Variants in FOXL1 observed in about 807,000 individuals in gnomAD.
The protein encoded by FOXL1 is forkhead box protein L1.
A neutral mutation model predicts 1.7 loss-of-function variants in FOXL1; 2 were observed. That is an observed-to-expected ratio of 1.21 (90% confidence interval 0.49 to 3.80). The LOEUF (loss-of-function observed/expected upper bound fraction) is 3.80. FOXL1 is among the 30% of genes most tolerant of loss of function. FOXL1 has a pLI of 0.07. For missense variants in FOXL1, 565 were observed against 495.8 expected (o/e 1.14, Z -1.32); for synonymous variants, 280 against 229.3 (o/e 1.22, Z -2.00).
At position 86,580,087 on chromosome 16, in the gene FOXL1, C is replaced by G. The variant is rs553504716; in HGVS notation, c.*326C>G. ...CTAATGGAGTGTGGTCTTCAGCCGCCCACCGCAGGTCCTGCGAGTCCCGGG... is the reference window on the plus strand; with the variant it reads ...CTAATGGAGTGTGGTCTTCAGCCGCGCACCGCAGGTCCTGCGAGTCCCGGG... On this transcript the variant is annotated 3_prime_UTR_variant, in exon 1 of 1. Coordinates refer to ENST00000320241, the MANE Select transcript of FOXL1 (RefSeq NM_005250.3). 2 of 312,864 alleles carry G rather than the reference C, an allele frequency of 6.4e-6. No individual in the cohort carries two copies. The highest frequency in any genetic ancestry group is 6.3e-6 in the Non-Finnish European group (1 of 158,566). 19.4% of individuals were successfully genotyped at this position (312,864 alleles called of 1,614,324 possible). A position where few individuals can be genotyped will look rare whatever the true frequency, so the allele number is the denominator to read the frequency against.
At position 86,579,247 on chromosome 16, in the gene FOXL1, G is replaced by C. The variant is rs1045302700; in HGVS notation, c.524G>C (p.Gly175Ala). The change falls in exon 1 of 1, where the codon GGG becomes GCG. Residue 175 changes from glycine to alanine, a missense_variant. By Grantham distance (60) the Gly-to-Ala change is moderately conservative. Coordinates refer to ENST00000320241, the MANE Select transcript of FOXL1 (RefSeq NM_005250.3). ...SAEAQPEAGSGAGGSGPAISR... is the reference protein window; with the variant it reads ...SAEAQPEAGSAAGGSGPAISR... Reference sequence around the variant, plus strand: ...GAGGCGCAGCCGGAGGCGGGGAGCGGGGCAGGGGGCTCGGGCCCCGCAATC... The same window carrying C: ...GAGGCGCAGCCGGAGGCGGGGAGCGCGGCAGGGGGCTCGGGCCCCGCAATC... 2.0e-6 allele frequency: 3 copies of C among 1,467,390 alleles called. No homozygotes were observed. The African/African-American group carries it at 4.4e-5, about 22-fold the overall frequency. The allele number at this position is 1,467,390 out of a possible 1,614,324, so 90.9% of individuals were successfully genotyped here. A position where few individuals can be genotyped will look rare whatever the true frequency, so the allele number is the denominator to read the frequency against.
At position 86,579,319 on chromosome 16, in the gene FOXL1, GC is replaced by G; in HGVS notation, c.600del (p.Ser201LeufsTer63). The G allele has an allele frequency of 6.8e-7, 1 of 1,464,376 alleles. No individual in the cohort carries two copies. 90.7% of individuals were successfully genotyped at this position (1,464,376 alleles called of 1,614,324 possible). A position where few individuals can be genotyped will look rare whatever the true frequency, so the allele number is the denominator to read the frequency against. On this transcript the variant is annotated frameshift_variant, in exon 1 of 1. Coordinates refer to ENST00000320241, the MANE Select transcript of FOXL1 (RefSeq NM_005250.3). LOFTEE classifies it low-confidence loss of function (END_TRUNC). ...APAGPSPLLD[G>X]PSPPAPLHWP... is the part of the protein sequence containing the mutation. ...GCGGGCCCCTCGCCCCTCCTGGACG[GC>G]CCCTCTCCGCCGGCGCCCCTCCACT...
At position 86,578,876 on chromosome 16, in the gene FOXL1, C is replaced by G. The variant is rs1974373364; in HGVS notation, c.153C>G (p.Pro51=). 1 of 1,614,100 alleles carries G rather than the reference C, an allele frequency of 6.2e-7. No individual in the cohort carries two copies. Among genetic ancestry groups the G allele is most frequent in the Non-Finnish European group, 8.5e-7 (1 of 1,179,994 alleles). ...SGRAETPQKP[P]YSYIALIAMA... ...GGGCCGAGACCCCGCAGAAGCCTCC[C>G]TACAGCTACATCGCGCTCATCGCCA... The change falls in exon 1 of 1, where the codon CCC becomes CCG. Residue 51 remains proline, a synonymous_variant. Transcript: ENST00000320241.
chr16:86,579,807 G>A lies in FOXL1; in HGVS notation c.*46G>A, dbSNP rs374156925. The A allele has an allele frequency of 4.3e-5, 67 of 1,549,636 alleles. No homozygotes were observed. The African/African-American group carries it at 8.0e-4, about 19-fold the overall frequency. The stretch of plus-strand genomic sequence containing the variant: ...TTCTCCCGGCCCAGCCTGAGCCTCC[G>A]CTGAGCGAAAGGCCACAGCTCCCAC... On this transcript the variant is annotated 3_prime_UTR_variant, in exon 1 of 1. Coordinates refer to ENST00000320241, the MANE Select transcript of FOXL1 (RefSeq NM_005250.3).
Position 86,578,989 on chromosome 16 carries a change from A to G in FOXL1, c.266A>G (p.Asn89Ser). ...IMDRFPFYHDNRQGWQNSIRH... is the reference protein window; with the variant it reads ...IMDRFPFYHDSRQGWQNSIRH... The stretch of plus-strand genomic sequence containing the variant: ...GACCGCTTCCCCTTCTACCACGACA[A>G]CCGGCAGGGCTGGCAGAACAGCATC... The change falls in exon 1 of 1, where the codon AAC becomes AGC. Residue 89 changes from asparagine (N) to serine (S), a missense_variant. Transcript: ENST00000320241. 1 of 1,613,918 alleles carries G rather than the reference A, an allele frequency of 6.2e-7. No individual in the cohort carries two copies.
chr16:86,579,200 C>T lies in FOXL1; in HGVS notation c.477C>T (p.Ala159=). ...CCCCGGAGGCCAAGAGGCCCCGCGCCGAGACGCACCAGCGCAGCGCGGAGG... is the reference window on the plus strand; with the variant it reads ...CCCCGGAGGCCAAGAGGCCCCGCGCTGAGACGCACCAGCGCAGCGCGGAGG... ...PGAPEAKRPR[A]ETHQRSAEAQ... The change falls in exon 1 of 1, where the codon GCC becomes GCT. Residue 159 remains alanine, a synonymous_variant. Coordinates refer to ENST00000320241, the MANE Select transcript of FOXL1 (RefSeq NM_005250.3). The T allele has an allele frequency of 5.7e-6, 9 of 1,587,158 alleles. No homozygotes were observed. Among genetic ancestry groups the T allele is most frequent in the Non-Finnish European group, 7.7e-6 (9 of 1,168,020 alleles).
In FOXL1 at chr16:86,579,102, C is replaced by A. The variant is rs141410677; in HGVS notation, c.379C>A (p.Pro127Thr). Residue 127 changes from proline (P) to threonine (T), a missense_variant, in exon 1 of 1, where the codon CCC (proline) becomes ACC (threonine). Physicochemically the swap from Pro to Thr is conservative, Grantham distance 38. Transcript: ENST00000320241. ...CAAGGGCAGCTACTGGACGCTGGAC[C>A]CCCGCTGCCTGGACATGTTTGAGAA... is the stretch of plus-strand genomic sequence containing the variant. ...PGKGSYWTLD[P>T]RCLDMFENGN... 5.0e-6 allele frequency: 8 copies of A among 1,613,988 alleles called. No individual in the cohort carries two copies. Among genetic ancestry groups the A allele is most frequent in the Non-Finnish European group, 6.8e-6 (8 of 1,179,964 alleles).
In FOXL1 at chr16:86,582,291, CT is replaced by C. The variant is rs1974423402; in HGVS notation, c.*2531del. On this transcript the variant is annotated 3_prime_UTR_variant, in exon 1 of 1. Transcript: ENST00000320241. ...GTTTGGGTCTTACCAATCCGAATAGCTGTTCTATTGATCCATATTTAATCGT... is the reference window on the plus strand; with the variant it reads ...GTTTGGGTCTTACCAATCCGAATAGCGTTCTATTGATCCATATTTAATCGT... The C allele has an allele frequency of 6.6e-6, 1 of 152,176 alleles. No individual in the cohort carries two copies. The highest frequency in any genetic ancestry group is 2.4e-5 in the African/African-American group (1 of 41,442). 9.4% of individuals were successfully genotyped at this position (152,176 alleles called of 1,614,324 possible).
At position 86,579,834 on chromosome 16, in the gene FOXL1, G is replaced by T. The variant is rs928798404; in HGVS notation, c.*73G>T. The T allele has an allele frequency of 2.2e-6, 3 of 1,358,160 alleles. No homozygotes were observed. Among genetic ancestry groups the T allele is most frequent in the Non-Finnish European group, 3.1e-6 (3 of 970,822 alleles). The allele number at this position is 1,358,160 out of a possible 1,614,324, so 84.1% of individuals were successfully genotyped here. A position where few individuals can be genotyped will look rare whatever the true frequency, so the allele number is the denominator to read the frequency against. ...TGAGCGAAAGGCCACAGCTCCCACCGGCGGAGGATTTTAAAATGATCTTTG... is the reference window on the plus strand; with the variant it reads ...TGAGCGAAAGGCCACAGCTCCCACCTGCGGAGGATTTTAAAATGATCTTTG... On this transcript the variant is annotated 3_prime_UTR_variant, in exon 1 of 1. Transcript: ENST00000320241.
chr16:86,579,316 A>G lies in FOXL1; in HGVS notation c.593A>G (p.Asp198Gly). 1 of 1,343,634 alleles carries G rather than the reference A, an allele frequency of 7.4e-7. No individual in the cohort carries two copies. The highest frequency in any genetic ancestry group is 1.4e-5 in the South Asian group (1 of 73,278). 83.2% of individuals were successfully genotyped at this position (1,343,634 alleles called of 1,614,324 possible). The change falls in exon 1 of 1, where the codon GAC (aspartate) becomes GGC (glycine). Residue 198 changes from aspartate (D) to glycine (G), a missense_variant. Physicochemically the swap from Asp to Gly is moderately conservative, Grantham distance 94. Transcript: ENST00000320241. ...AAPAGPSPLLDGPSPPAPLHW... is the reference protein window; with the variant it reads ...AAPAGPSPLLGGPSPPAPLHW... ...CCCGCGGGCCCCTCGCCCCTCCTGG[A>G]CGGCCCCTCTCCGCCGGCGCCCCTC... is the stretch of plus-strand genomic sequence containing the variant.
chr16:86,582,943 C>A lies in FOXL1; in HGVS notation c.*3182C>A, dbSNP rs1054313577. The stretch of plus-strand genomic sequence containing the variant: ...TTTTATTTAAACATCGCGGAAGACA[C>A]CCGCTTTGAGAACTTTTCCCTCCGT... On this transcript the variant is annotated 3_prime_UTR_variant, in exon 1 of 1. Coordinates refer to ENST00000320241, the MANE Select transcript of FOXL1 (RefSeq NM_005250.3). Among the ~76,000 whole-genome samples the A allele has an allele frequency of 6.6e-6, 1 of 150,912 alleles. No homozygotes were observed. Among genetic ancestry groups the A allele is most frequent in the Non-Finnish European group, 1.5e-5 (1 of 67,900 alleles).
rs112987356 is a variant in FOXL1, at chr16:86,581,166, G to A, written c.*1405G>A. The A allele has an allele frequency of 1.3e-3, 220 of 167,188 alleles. 1 individual carries two copies. Among genetic ancestry groups the A allele is most frequent in the African/African-American group, 5.0e-3 (208 of 41,572 alleles). 10.4% of individuals were successfully genotyped at this position (167,188 alleles called of 1,614,324 possible). A position where few individuals can be genotyped will look rare whatever the true frequency, so the allele number is the denominator to read the frequency against. ...TTGCAGCTTCCGGGGAAATGCAACCGACCTCTATGCCATCTCTAGCTGGGT... is the reference window on the plus strand; with the variant it reads ...TTGCAGCTTCCGGGGAAATGCAACCAACCTCTATGCCATCTCTAGCTGGGT... On this transcript the variant is annotated 3_prime_UTR_variant, in exon 1 of 1. Transcript: ENST00000320241.
chr16:86,579,825 G>A lies in FOXL1; in HGVS notation c.*64G>A. On this transcript the variant is annotated 3_prime_UTR_variant, in exon 1 of 1. Coordinates refer to ENST00000320241, the MANE Select transcript of FOXL1 (RefSeq NM_005250.3). ...AGCCTCCGCTGAGCGAAAGGCCACA[G>A]CTCCCACCGGCGGAGGATTTTAAAA... 7.2e-7 allele frequency: 1 copy of A among 1,396,244 alleles called. No homozygotes were observed. Among genetic ancestry groups the A allele is most frequent in the Non-Finnish European group, 1.0e-6 (1 of 1,000,110 alleles). 86.5% of individuals were successfully genotyped at this position (1,396,244 alleles called of 1,614,324 possible). A position where few individuals can be genotyped will look rare whatever the true frequency, so the allele number is the denominator to read the frequency against.
Position 86,579,781 on chromosome 16 carries a change from C to G in FOXL1, c.*20C>G. ...CAGTAAAGCAAACAATGGCACGGTT[C>G]TTCTCCCGGCCCAGCCTGAGCCTCC... On this transcript the variant is annotated 3_prime_UTR_variant, in exon 1 of 1. Coordinates refer to ENST00000320241, the MANE Select transcript of FOXL1 (RefSeq NM_005250.3). The G allele has an allele frequency of 6.3e-7, 1 of 1,599,652 alleles. No homozygotes were observed. Among genetic ancestry groups the G allele is most frequent in the Non-Finnish European group, 8.6e-7 (1 of 1,168,818 alleles).
Position 86,578,629 on chromosome 16 carries a change from G to C in FOXL1, c.-95G>C. 3 of 1,114,122 alleles carry C rather than the reference G, an allele frequency of 2.7e-6. No individual in the cohort carries two copies. The highest frequency in any genetic ancestry group is 3.8e-6 in the Non-Finnish European group (3 of 791,304). 69.0% of individuals were successfully genotyped at this position (1,114,122 alleles called of 1,614,324 possible). A position where few individuals can be genotyped will look rare whatever the true frequency, so the allele number is the denominator to read the frequency against. ...CAGAGCCAGAGGCAGAGGCACGGCTGGCTCCCCGGGAGGGCCCTTGCGGCG... is the reference window on the plus strand; with the variant it reads ...CAGAGCCAGAGGCAGAGGCACGGCTCGCTCCCCGGGAGGGCCCTTGCGGCG... On this transcript the variant is annotated 5_prime_UTR_variant, in exon 1 of 1. Coordinates refer to ENST00000320241, the MANE Select transcript of FOXL1 (RefSeq NM_005250.3).
In FOXL1 at chr16:86,581,114, A is replaced by T. The variant is rs1974408664; in HGVS notation, c.*1353A>T. On this transcript the variant is annotated 3_prime_UTR_variant, in exon 1 of 1. Transcript: ENST00000320241. ...CTGCAACGAAAATCTAATTAAGAAC[A>T]TTGAGATGTTCACAACCAAGTTCAG... The T allele has an allele frequency of 6.0e-6, 1 of 167,090 alleles. No individual in the cohort carries two copies. The highest frequency in any genetic ancestry group is 1.5e-5 in the Non-Finnish European group (1 of 68,114). The allele number at this position is 167,090 out of a possible 1,614,324, so 10.4% of individuals were successfully genotyped here. A position where few individuals can be genotyped will look rare whatever the true frequency, so the allele number is the denominator to read the frequency against.
In FOXL1 at chr16:86,583,371, A is replaced by C. The variant is rs57525774; in HGVS notation, c.*3610A>C. Among the ~76,000 whole-genome samples, 46,270 of 151,824 alleles carry C rather than the reference A, an allele frequency of 0.3. 8,384 individuals carry two copies. The highest frequency in any genetic ancestry group is 0.51 in the African/African-American group (21,207 of 41,310). On this transcript the variant is annotated 3_prime_UTR_variant, in exon 1 of 1. Transcript: ENST00000320241. ...TGTGCACTTCCTGGCTTCATGGTGGATGGAGTCTTGTTTCCATGAAATAAA... is the reference window on the plus strand; with the variant it reads ...TGTGCACTTCCTGGCTTCATGGTGGCTGGAGTCTTGTTTCCATGAAATAAA...
At position 86,578,921 on chromosome 16, in the gene FOXL1, C is replaced by G; in HGVS notation, c.198C>G (p.Pro66=). The G allele has an allele frequency of 6.2e-7, 1 of 1,614,186 alleles. No individual in the cohort carries two copies. The highest frequency in any genetic ancestry group is 1.3e-5 in the African/African-American group (1 of 75,070). Reference sequence around the variant, plus strand: ...TCGCCATGGCGATCCAGGACGCGCCCGAGCAGAGGGTCACGCTCAACGGCA... The same window carrying G: ...TCGCCATGGCGATCCAGGACGCGCCGGAGCAGAGGGTCACGCTCAACGGCA... ...ALIAMAIQDA[P]EQRVTLNGIY... The change falls in exon 1 of 1, where the codon CCC becomes CCG. Residue 66 remains proline (P), a synonymous_variant. Coordinates refer to ENST00000320241, the MANE Select transcript of FOXL1 (RefSeq NM_005250.3).
At position 86,579,555 on chromosome 16, in the gene FOXL1, G is replaced by T. The variant is rs533204669; in HGVS notation, c.832G>T (p.Gly278Trp). Reference sequence around the variant, plus strand: ...AAAGCAGGGCCAGAAGCCGCCTTCAGGGGACGAACTCCTAGGGGGTGCCAA... The same window carrying T: ...AAAGCAGGGCCAGAAGCCGCCTTCATGGGACGAACTCCTAGGGGGTGCCAA... ...AGKQGQKPPS[G>W]DELLGGAKPG... Residue 278 changes from glycine to tryptophan, a missense_variant, in exon 1 of 1, where the codon GGG becomes TGG. Transcript: ENST00000320241. 1.2e-5 allele frequency: 20 copies of T among 1,612,370 alleles called. No homozygotes were observed. In the East Asian group the frequency reaches 2.5e-4, roughly 20 times the overall value.
Sources: gnomAD v4.1 joint callset for allele counts (sites outside exome capture counted in the v4.1 genomes callset) on GRCh38, gnomAD v4.1.1 for gene constraint, MANE v1.5 for transcripts, NCBI Gene and HGNC (gene_info 2026-07-23, HGNC 2026-07-21) for gene names.